IQCJ: variants seen among roughly 807,000 people sequenced by gnomAD.
The protein encoded by IQCJ is IQ domain-containing protein J.
In IQCJ, 9 loss-of-function variants were observed where a neutral mutation model predicts 11.0. The ratio of observed to expected loss-of-function variants is 0.82; its 90% CI spans 0.49 to 1.43. IQCJ has a LOEUF of 1.43. IQCJ is among the 40% of genes most tolerant of loss of function. IQCJ has a pLI of 0.00. For missense variants in IQCJ, 146 were observed against 133.2 expected, an observed-to-expected ratio of 1.10 and a Z score of -0.47; for synonymous variants, 55 against 51.3, an observed-to-expected ratio of 1.07 and a Z score of -0.31.
chr3:159,204,935 G>A (rs895535777), intron 1 of IQCJ, among the ~76,000 whole-genome samples: 3 of 152,218 alleles, frequency 2.0e-5, no homozygotes, highest in African/African-American at 7.2e-5. Flanking sequence ...GGGATGTCCT[G>A]CTATGGATGT....
At chr3:159,209,879 G>T (rs1371207355) in intron 1 of IQCJ, among the ~76,000 whole-genome samples, 1 of 152,218 alleles carries the variant, frequency 6.6e-6, no homozygotes, top group African/African-American at 2.4e-5. Flanking sequence ...ATCACTCTGA[G>T]ATTCAGAAGG....
At chr3:159,218,630 T>G (rs1282838336) in intron 1 of IQCJ, among the ~76,000 whole-genome samples, 1 of 151,808 alleles carries the variant, frequency 6.6e-6, no homozygotes, top group African/African-American at 2.4e-5. Flanking sequence ...GATTTGAGAG[T>G]TTTTAGGTTG....
At chr3:159,245,071 T>C (rs1183793449) in intron 1 of IQCJ, among the ~76,000 whole-genome samples, 2 of 151,902 alleles carry the variant, frequency 1.3e-5, no homozygotes, top group Non-Finnish European at 1.5e-5. Flanking sequence ...GCCAGAGAAA[T>C]GAGATTACAG....
chr3:159,154,613 G>T (rs1368915336), intron 1 of IQCJ, among the ~76,000 whole-genome samples: 1 of 151,956 alleles, frequency 6.6e-6, no homozygotes, highest in Non-Finnish European at 1.5e-5. Context: ...CTCTACCTCT[G>T]GTCTAGAGGT....
intron 1 of IQCJ, among the ~76,000 whole-genome samples, chr3:159,085,157 A>C (rs1404615580): frequency 6.6e-6 from 1 of 151,826 alleles, no homozygotes; most frequent in East Asian, 1.9e-4. Flanking sequence ...TATTAGTGAG[A>C]ATATGCAGTG....
chr3:159,086,127 C>T lies in IQCJ; in HGVS notation c.9+16686C>T, dbSNP rs539298103. Among the ~76,000 whole-genome samples the T allele has an allele frequency of 9.5e-3, 1,439 of 152,212 alleles. 17 individuals carry two copies. The highest frequency in any genetic ancestry group is 0.034 in the African/African-American group (1,396 of 41,544). ...AAAGAAGGGATCCAGTTTCAGCTTTCTACATATGGCTAGCCAGTTTTCCCA... is the reference window on the plus strand; with the variant it reads ...AAAGAAGGGATCCAGTTTCAGCTTTTTACATATGGCTAGCCAGTTTTCCCA... On this transcript the variant is annotated intron_variant, in intron 1 of 3. Transcript: ENST00000397832.
intron 3 of IQCJ, 61 bp downstream of exon 3, chr3:159,252,868 A>G: frequency 6.5e-7 from 1 of 1,530,874 alleles, no homozygotes; most frequent in Non-Finnish European, 8.9e-7. Context: ...TCCTGAATAA[A>G]TCTGGAATTT....
intron 1 of IQCJ, among the ~76,000 whole-genome samples, chr3:159,145,951 G>A (rs1720904426): frequency 6.6e-6 from 1 of 152,128 alleles, no homozygotes; most frequent in Non-Finnish European, 1.5e-5. Context: ...ATAATTATCG[G>A]AGCCAACAAG....
intron 2 of IQCJ, among the ~76,000 whole-genome samples, chr3:159,250,367 G>A (rs906293174): frequency 2.0e-5 from 3 of 152,116 alleles, no homozygotes; most frequent in East Asian, 1.9e-4. Context: ...TGCTTAATTT[G>A]TAATTAATAA....
intron 1 of IQCJ, among the ~76,000 whole-genome samples, chr3:159,078,374 A>G (rs1010139236): frequency 6.6e-6 from 1 of 152,094 alleles, no homozygotes; most frequent in Non-Finnish European, 1.5e-5. Context: ...TGTACTTTCA[A>G]AAGTACCTAT....
At chr3:159,219,972 C>T (rs1725444732) in intron 1 of IQCJ, among the ~76,000 whole-genome samples, 2 of 151,968 alleles carry the variant, frequency 1.3e-5, no homozygotes, top group African/African-American at 2.4e-5. Context: ...TTTCCCTTTG[C>T]CCTGTATGTT....
At chr3:159,162,750 G>A (rs1721940669) in intron 1 of IQCJ, among the ~76,000 whole-genome samples, 2 of 152,272 alleles carry the variant, frequency 1.3e-5, no homozygotes, top group Admixed American at 6.5e-5. Context: ...TATCACCACC[G>A]ATCCTACAGA....
chr3:159,127,629 T>G (rs1719750279), intron 1 of IQCJ, among the ~76,000 whole-genome samples: 1 of 152,202 alleles, frequency 6.6e-6, no homozygotes, highest in African/African-American at 2.4e-5. Context: ...AAATGACTGT[T>G]CCTGGACACA....
chr3:159,180,036 GCT>G (rs761177621), intron 1 of IQCJ, among the ~76,000 whole-genome samples: 10 of 152,240 alleles, frequency 6.6e-5, no homozygotes, highest in Non-Finnish European at 1.3e-4. Context: ...AAGAAGCAAA[GCT>G]TTCACTTGGT....
At chr3:159,199,961 C>T (rs1724216777) in intron 1 of IQCJ, among the ~76,000 whole-genome samples, 1 of 148,204 alleles carries the variant, frequency 6.7e-6, no homozygotes, top group South Asian at 2.2e-4. Flanking sequence ...CTCCCCATGC[C>T]TCAGTTTTCC....
chr3:159,069,846 TG>T (rs749276095), intron 1 of IQCJ: 615 of 64,718 alleles, frequency 9.5e-3, no homozygotes, highest in Non-Finnish European at 0.012. Flanking sequence ...TCCTTTCTTG[TG>T]TGTGTGTGTG....
chr3:159,259,773 G>A (rs1390754772), intron 3 of IQCJ, among the ~76,000 whole-genome samples: 4 of 152,074 alleles, frequency 2.6e-5, no homozygotes, highest in Non-Finnish European at 5.9e-5. Context: ...TGACATGATG[G>A]CCCTGTCATT....
chr3:159,186,665 G>A (rs566631322), intron 1 of IQCJ, among the ~76,000 whole-genome samples: 1 of 152,300 alleles, frequency 6.6e-6, no homozygotes, highest in African/African-American at 2.4e-5. Flanking sequence ...CAGATGGGAG[G>A]AAAGGTGACT....
rs548022490 is a variant in IQCJ, at chr3:159,092,260, T to A, written c.9+22819T>A. On this transcript the variant is annotated intron_variant, in intron 1 of 3. Coordinates refer to ENST00000397832, the MANE Select transcript of IQCJ (RefSeq NM_001042706.3). ...AGGATACAGTCAGACAAATCCAGAA[T>A]GTGGGATATTTTGTAAGACAAGTGG... Among the ~76,000 whole-genome samples, 3 of 151,964 alleles carry A rather than the reference T, an allele frequency of 2.0e-5. No homozygotes were observed. The South Asian group carries it at 6.2e-4, about 31-fold the overall frequency.
Sources: allele counts gnomAD v4.1 joint callset (sites outside exome capture counted in the v4.1 genomes callset), GRCh38; gene constraint gnomAD v4.1.1; transcripts MANE v1.5; gene names NCBI Gene and HGNC (gene_info 2026-07-23, HGNC 2026-07-21).